The following ERP44 variants were observed in gnomAD, a reference collection of about 807,000 sequenced individuals.
ERP44 encodes endoplasmic reticulum resident protein 44.
Under a neutral mutation model 53.4 loss-of-function variants are expected in ERP44, and 25 were observed. The observed-to-expected ratio is 0.47, with a 90% CI of 0.34 to 0.65. ERP44 has a LOEUF of 0.65. Ranked by LOEUF, ERP44 falls within the 30% of genes least tolerant of loss-of-function variation. ERP44 has a pLI of 0.01. For missense variants in ERP44, 338 were observed against 493.2 expected, an observed-to-expected ratio of 0.69 and a Z score of 2.98; for synonymous variants, 145 against 161.2, an observed-to-expected ratio of 0.90 and a Z score of 0.76.
chr9:100,020,102 C>A (rs1029713197), intron 6 of ERP44, among the ~76,000 whole-genome samples: 1 of 152,184 alleles, frequency 6.6e-6, no homozygotes. Flanking sequence ...GCAGGAACAA[C>A]TGATGGATCA....
At chr9:99,999,018 CG>C in intron 10 of ERP44, 1 of 985,812 alleles carries the variant, frequency 1.0e-6, no homozygotes, top group Admixed American at 1.9e-5. Context: ...GCGTGGGCAG[CG>C]GGCGCAGCTG....
At chr9:100,009,498 C>T (rs1024250222) in intron 8 of ERP44, among the ~76,000 whole-genome samples, 1 of 152,168 alleles carries the variant, frequency 6.6e-6, no homozygotes, top group Non-Finnish European at 1.5e-5. Context: ...CCTGGCATCA[C>T]ATTCATCTTT....
intron 1 of ERP44, among the ~76,000 whole-genome samples, chr9:100,068,955 C>A (rs1423050968): frequency 1.3e-5 from 2 of 152,198 alleles, no homozygotes; most frequent in African/African-American, 4.8e-5. Flanking sequence ...AAGAAAAATT[C>A]TTCTGCCGTG....
In ERP44 at chr9:100,063,092, A is replaced by AAAAAAAAAAAAAAAAAG. The variant is rs773290883; in HGVS notation, c.58-2921_58-2920insCTTTTTTTTTTTTTTTT. 1.7e-3 allele frequency among the ~76,000 whole-genome samples: 244 copies of AAAAAAAAAAAAAAAAAG among 145,210 alleles called. 2 individuals are homozygous for AAAAAAAAAAAAAAAAAG. Among genetic ancestry groups the AAAAAAAAAAAAAAAAAG allele is most frequent in the African/African-American group, 5.8e-3 (219 of 38,078 alleles). ...CTGTCTCACAAAAAAAAAAAAAAAA[A>AAAAAAAAAAAAAAAAAG]AGAGAGAGAGAGAGGGAAATTGATT... On this transcript the variant is annotated intron_variant, in intron 1 of 11. Coordinates refer to ENST00000262455, the MANE Select transcript of ERP44 (RefSeq NM_015051.3).
chr9:100,057,743 C>T, intron 3 of ERP44, 77 bp downstream of exon 3: 1 of 1,075,562 alleles, frequency 9.3e-7, no homozygotes, highest in Non-Finnish European at 1.4e-6. Flanking sequence ...AAAGCCTTCC[C>T]TTCCCCTTTC....
At chr9:100,038,715 TA>T (rs201289700) in intron 4 of ERP44, among the ~76,000 whole-genome samples, 3 of 150,792 alleles carry the variant, frequency 2.0e-5, no homozygotes, top group East Asian at 1.9e-4. Context: ...GTAATGGATT[TA>T]AAAAAAAACA....
At chr9:100,064,536 A>C (rs889471224) in intron 1 of ERP44, among the ~76,000 whole-genome samples, 17 of 152,230 alleles carry the variant, frequency 1.1e-4, no homozygotes, top group African/African-American at 3.9e-4. Context: ...ACTTAGAAGG[A>C]ATCTCACAAA....
chr9:100,053,014 C>T (rs1826054159), intron 3 of ERP44, among the ~76,000 whole-genome samples: 1 of 152,114 alleles, frequency 6.6e-6, no homozygotes, highest in Non-Finnish European at 1.5e-5. Flanking sequence ...ACCTCCAGGG[C>T]TCAAGCAATC....
In ERP44 at chr9:100,069,300, GA is replaced by G. The variant is rs903806706; in HGVS notation, c.58-9129del. On this transcript the variant is annotated intron_variant, in intron 1 of 11. Transcript: ENST00000262455. Reference sequence around the variant, plus strand: ...AAGAATGATCAATAAAAAAAAAAAAGAAAAAAACCAAACCAACCAAAAAAAA... The same window carrying G: ...AAGAATGATCAATAAAAAAAAAAAAGAAAAAACCAAACCAACCAAAAAAAA... Among the ~76,000 whole-genome samples, 332 of 146,440 alleles carry G rather than the reference GA, an allele frequency of 2.3e-3. 2 individuals are homozygous for G. Among genetic ancestry groups the G allele is most frequent in the African/African-American group, 7.9e-3 (315 of 40,028 alleles).
chr9:99,998,547 T>C (rs966865142), intron 10 of ERP44: 16 of 724,888 alleles, frequency 2.2e-5, no homozygotes, highest in Middle Eastern at 7.2e-4. Flanking sequence ...TCACGCCTTC[T>C]GGAAAGCCAG....
intron 4 of ERP44, among the ~76,000 whole-genome samples, chr9:100,028,398 G>A (rs1395539883): frequency 6.6e-6 from 1 of 152,192 alleles, no homozygotes; most frequent in Non-Finnish European, 1.5e-5. Flanking sequence ...AATGAATTAC[G>A]CTCCTGAATT....
At position 100,006,588 on chromosome 9, in the gene ERP44, G is replaced by T; in HGVS notation, c.934C>A (p.Gln312Lys). ...ACAGGACAATCTGCTGGAGTTTTCT[G>T]TATGTGCAGAAGAGGATGTCTAAAT... ...DKFRHPLLHI[Q>K]KTPADCPVIA... is the part of the protein sequence containing the mutation. Residue 312 changes from glutamine (Q) to lysine (K), a missense_variant, in exon 10 of 12, where the codon CAG becomes AAG. Gln to Lys is a moderately conservative substitution (Grantham distance 53). This residue lies in a region of ERP44 where 113 missense variants were observed against 172.6 expected (regional missense o/e 0.65). Transcript: ENST00000262455. 1 of 1,611,210 alleles carries T rather than the reference G, an allele frequency of 6.2e-7. No individual in the cohort carries two copies. The highest frequency in any genetic ancestry group is 1.1e-5 in the South Asian group (1 of 90,714).
chr9:100,079,555 A>G (rs1330839684), intron 1 of ERP44, among the ~76,000 whole-genome samples: 2 of 152,036 alleles, frequency 1.3e-5, no homozygotes, highest in Non-Finnish European at 2.9e-5. Context: ...GGACTCTTTC[A>G]GTAGTCTAAG....
chr9:100,020,515 T>C, intron 6 of ERP44, 101 bp downstream of exon 6: 1 of 651,220 alleles, frequency 1.5e-6, no homozygotes, highest in Middle Eastern at 4.1e-4. Context: ...AGGATTGAGA[T>C]CATTTTTGGA....
chr9:100,049,463 AAC>A (rs1826013440), intron 4 of ERP44, among the ~76,000 whole-genome samples: 1 of 152,218 alleles, frequency 6.6e-6, no homozygotes, highest in Non-Finnish European at 1.5e-5. Flanking sequence ...GTAATATTTG[AAC>A]AGACACATCA....
At chr9:99,990,351 G>A in intron 10 of ERP44, among the ~76,000 whole-genome samples, 1 of 152,190 alleles carries the variant, frequency 6.6e-6, no homozygotes, top group Non-Finnish European at 1.5e-5. Flanking sequence ...GAGAGTAGGG[G>A]CCAATATTCA....
At chr9:100,007,864 C>G (rs1830436822) in intron 8 of ERP44, among the ~76,000 whole-genome samples, 175 bp from the exon 9 acceptor site, 1 of 152,186 alleles carries the variant, frequency 6.6e-6, no homozygotes, top group East Asian at 1.9e-4. Flanking sequence ...AGACTGAATT[C>G]ACTCCCCTCC....
intron 4 of ERP44, among the ~76,000 whole-genome samples, chr9:100,046,065 A>C (rs2118697177): frequency 6.6e-6 from 1 of 152,304 alleles, no homozygotes; most frequent in African/African-American, 2.4e-5. Context: ...GCAACAAAAA[A>C]ACTAAAAATT....
intron 1 of ERP44, among the ~76,000 whole-genome samples, chr9:100,098,113 T>C (rs1826669870): frequency 6.6e-6 from 1 of 152,146 alleles, no homozygotes; most frequent in African/African-American, 2.4e-5. Flanking sequence ...CTGAGCAGGT[T>C]AGGCAGTTAG....
Sources: allele counts gnomAD v4.1 joint callset (sites outside exome capture counted in the v4.1 genomes callset), GRCh38; gene constraint gnomAD v4.1.1; regional missense constraint gnomAD v4.1.1; transcripts MANE v1.5; gene names NCBI Gene and HGNC (gene_info 2026-07-23, HGNC 2026-07-21).